The following DAB1 variants were observed in gnomAD, a reference collection of about 807,000 sequenced individuals.
The protein encoded by DAB1 is DAB adaptor protein 1.
DAB1 carries 15 observed loss-of-function variants against 64.6 expected under a neutral mutation model. The ratio of observed to expected loss-of-function variants is 0.23; its 90% CI spans 0.16 to 0.36. DAB1 has a LOEUF of 0.36. Among genes scored for constraint, DAB1 ranks in the 10% least tolerant of loss-of-function variants. DAB1 has a pLI of 1.00. For missense variants in DAB1, 596 were observed against 706.7 expected, an observed-to-expected ratio of 0.84 and a Z score of 1.78; for synonymous variants, 235 against 251.9, an observed-to-expected ratio of 0.93 and a Z score of 0.64.
chr1:57,774,320 G>A (rs891178991), intron 6 of DAB1, among the ~76,000 whole-genome samples: 1 of 151,636 alleles, frequency 6.6e-6, no homozygotes, highest in African/African-American at 2.4e-5. Context: ...CTGCAATCTG[G>A]CTAAATTCAC....
At chr1:57,136,406 T>C (rs2100796141) in intron 4 of DAB1, 137 bp downstream of exon 4, 1 of 439,290 alleles carries the variant, frequency 2.3e-6, no homozygotes. Context: ...TGATGGATGA[T>C]CAGAGTTGAT....
chr1:57,275,344 A>T (rs1199334721), intron 2 of DAB1, among the ~76,000 whole-genome samples: 1 of 152,238 alleles, frequency 6.6e-6, no homozygotes, highest in African/African-American at 2.4e-5. Context: ...TGACATCTCC[A>T]GTCTCCCAGA....
intron 3 of DAB1, among the ~76,000 whole-genome samples, chr1:58,490,795 CTTTTTTTTT>C (rs148145860): frequency 2.2e-4 from 13 of 59,270 alleles, no homozygotes; most frequent in East Asian, 2.2e-3. Flanking sequence ...AGTCAACATT[CTTTTTTTTT>C]TTTTTTTTTT....
At chr1:57,568,864 G>C (rs1162496015) in intron 7 of DAB1, among the ~76,000 whole-genome samples, 1 of 152,204 alleles carries the variant, frequency 6.6e-6, no homozygotes. Context: ...GTGGAAGTCA[G>C]TGTGGCAATT....
chr1:57,399,092 G>GA (rs1489504524), intron 1 of DAB1, among the ~76,000 whole-genome samples: 1 of 151,228 alleles, frequency 6.6e-6, no homozygotes, highest in Non-Finnish European at 1.5e-5. Context: ...CAGAGTTGAG[G>GA]AACTTTTTTT....
intron 8 of DAB1, among the ~76,000 whole-genome samples, chr1:57,065,109 C>A (rs900697216): frequency 3.9e-5 from 6 of 152,172 alleles, no homozygotes; most frequent in Admixed American, 3.3e-4. Flanking sequence ...TAAACTCAAA[C>A]TGTGCATAAT....
In DAB1 at chr1:56,997,341, C is replaced by T. The variant is rs1388543562; in HGVS notation, c.*803G>A. Reference sequence around the variant, plus strand: ...TTTTCCTACTCACAGAATGAAGGTTCGTACTGAAAGCTGTCTTTCTTCACC... The same window carrying T: ...TTTTCCTACTCACAGAATGAAGGTTTGTACTGAAAGCTGTCTTTCTTCACC... On this transcript the variant is annotated 3_prime_UTR_variant, in exon 15 of 15. Coordinates refer to ENST00000371236, the MANE Select transcript of DAB1 (RefSeq NM_001365792.1). The T allele has an allele frequency of 2.0e-5, 3 of 152,056 alleles. No homozygotes were observed. The highest frequency in any genetic ancestry group is 1.9e-4 in the East Asian group (1 of 5,192). The allele number at this position is 152,056 out of a possible 1,614,324, so 9.4% of individuals were successfully genotyped here.
intron 11 of DAB1, among the ~76,000 whole-genome samples, chr1:57,017,295 C>T (rs1646465379): frequency 6.6e-6 from 1 of 152,056 alleles, no homozygotes; most frequent in South Asian, 2.1e-4. Context: ...CCATGGCTGT[C>T]AGTAGGAATG....
intron 3 of DAB1, among the ~76,000 whole-genome samples, chr1:58,504,265 T>C (rs1337730402): frequency 6.6e-6 from 1 of 152,200 alleles, no homozygotes; most frequent in Non-Finnish European, 1.5e-5. Flanking sequence ...TGTTCTTCCC[T>C]TCCCTTACTC....
intron 4 of DAB1, among the ~76,000 whole-genome samples, chr1:58,181,509 GCTC>G (rs970341172): frequency 6.6e-6 from 1 of 151,878 alleles, no homozygotes; most frequent in African/African-American, 2.4e-5. Context: ...TGATTTTTGT[GCTC>G]CTCCTTAATT....
chr1:58,319,583 C>T (rs1662637258), intron 4 of DAB1, among the ~76,000 whole-genome samples: 1 of 152,116 alleles, frequency 6.6e-6, no homozygotes, highest in South Asian at 2.1e-4. Flanking sequence ...CTTTATATTA[C>T]CTTGAGAAAA....
At chr1:58,010,470 C>T (rs1217119513) in intron 5 of DAB1, among the ~76,000 whole-genome samples, 1 of 152,144 alleles carries the variant, frequency 6.6e-6, no homozygotes, top group Non-Finnish European at 1.5e-5. Context: ...AATTTGAACA[C>T]TTGTCGGTTT....
intron 6 of DAB1, among the ~76,000 whole-genome samples, chr1:57,679,004 C>A (rs561919255): frequency 6.6e-6 from 1 of 151,886 alleles, no homozygotes; most frequent in Non-Finnish European, 1.5e-5. Flanking sequence ...ATCTTCTGAC[C>A]TCGTGATCCG....
At chr1:57,247,456 C>A (rs953421470) in intron 2 of DAB1, among the ~76,000 whole-genome samples, 2 of 152,154 alleles carry the variant, frequency 1.3e-5, no homozygotes, top group Non-Finnish European at 2.9e-5. Flanking sequence ...AGTCTGTGGA[C>A]CTGTGAGTCA....
chr1:57,986,126 C>T (rs944269657), intron 5 of DAB1, among the ~76,000 whole-genome samples: 2 of 152,160 alleles, frequency 1.3e-5, no homozygotes, highest in Admixed American at 6.5e-5. Flanking sequence ...TGTTGCTCAG[C>T]TCTGCCCTCA....
At chr1:58,291,134 T>G (rs1004703012) in intron 4 of DAB1, among the ~76,000 whole-genome samples, 80 of 152,180 alleles carry the variant, frequency 5.3e-4, no homozygotes, top group African/African-American at 1.9e-3. Flanking sequence ...CTCGACATCG[T>G]AATACAGATG....
intron 2 of DAB1, among the ~76,000 whole-genome samples, chr1:57,157,690 C>T (rs1240955716): frequency 6.6e-6 from 1 of 151,976 alleles, no homozygotes; most frequent in Non-Finnish European, 1.5e-5. Context: ...TAATTATCTC[C>T]CAAAGACCCC....
intron 3 of DAB1, among the ~76,000 whole-genome samples, chr1:58,404,844 G>C (rs1384970634): frequency 6.6e-6 from 1 of 152,142 alleles, no homozygotes; most frequent in Non-Finnish European, 1.5e-5. Context: ...CCAGGGAGGA[G>C]GAGTCCATCC....
intron 5 of DAB1, among the ~76,000 whole-genome samples, chr1:58,072,179 C>T (rs746663331): frequency 6.6e-6 from 1 of 151,812 alleles, no homozygotes; most frequent in African/African-American, 2.4e-5. Flanking sequence ...GGTCTTCCTT[C>T]TTTATACTTT....
Sources: allele counts gnomAD v4.1 joint callset (sites outside exome capture counted in the v4.1 genomes callset), GRCh38; gene constraint gnomAD v4.1.1; transcripts MANE v1.5; gene names NCBI Gene and HGNC (gene_info 2026-07-23, HGNC 2026-07-21).